Variants in AKT3 observed in about 807,000 individuals in gnomAD.
AKT3 encodes RAC-gamma serine/threonine-protein kinase.
In AKT3, 15 loss-of-function variants were observed where a neutral mutation model predicts 65.3. The ratio of observed to expected loss-of-function variants is 0.23; its 90% CI spans 0.15 to 0.35. AKT3 has a LOEUF of 0.35. Ranked by LOEUF, AKT3 falls within the 10% of genes least tolerant of loss-of-function variation. AKT3 has a pLI of 1.00. For synonymous variants in AKT3, 206 were observed against 183.8 expected, an observed-to-expected ratio of 1.12 and a Z score of -0.98; for missense variants, 243 against 576.5, an observed-to-expected ratio of 0.42 and a Z score of 5.92.
intron 2 of AKT3, among the ~76,000 whole-genome samples, chr1:243,815,081 T>C (rs1572397125): frequency 6.6e-6 from 1 of 152,224 alleles, no homozygotes; most frequent in Admixed American, 6.5e-5. Flanking sequence ...GGGTCCTAGA[T>C]TGGATCTTTT....
chr1:243,699,438 T>A (rs1416604943), intron 2 of AKT3, among the ~76,000 whole-genome samples: 4 of 136,054 alleles, frequency 2.9e-5, no homozygotes, highest in Non-Finnish European at 3.0e-5. Context: ...TCACAACTGG[T>A]TAAGACTTCC....
chr1:243,552,126 C>T (rs1030943398), intron 11 of AKT3, among the ~76,000 whole-genome samples: 3 of 151,590 alleles, frequency 2.0e-5, no homozygotes, highest in South Asian at 2.1e-4. Context: ...CCCGTCTCTA[C>T]TAAAAACACA....
intron 3 of AKT3, among the ~76,000 whole-genome samples, chr1:243,694,792 C>T (rs1684953394): frequency 6.6e-6 from 1 of 151,646 alleles, no homozygotes; most frequent in African/African-American, 2.4e-5. Flanking sequence ...TCCCTTGTAT[C>T]TTTTTTTCCC....
chr1:243,553,338 T>C (rs1187203933), intron 10 of AKT3, among the ~76,000 whole-genome samples: 1 of 152,198 alleles, frequency 6.6e-6, no homozygotes, highest in Non-Finnish European at 1.5e-5. Context: ...GTGTGCTGAT[T>C]ATAGAGCACA....
chr1:243,707,726 A>G (rs527874063), intron 2 of AKT3, among the ~76,000 whole-genome samples: 3 of 152,222 alleles, frequency 2.0e-5, no homozygotes, highest in Admixed American at 6.5e-5. Flanking sequence ...CTTTCTTATT[A>G]CAAAAATTAA....
At chr1:243,736,547 A>G (rs960305793) in intron 2 of AKT3, among the ~76,000 whole-genome samples, 4 of 152,208 alleles carry the variant, frequency 2.6e-5, no homozygotes, top group African/African-American at 9.7e-5. Flanking sequence ...TAAAGGTTTA[A>G]AAGTCAGAAA....
intron 2 of AKT3, among the ~76,000 whole-genome samples, chr1:243,805,724 T>C (rs1189200283): frequency 2.6e-5 from 4 of 152,196 alleles, no homozygotes; most frequent in African/African-American, 9.6e-5. Flanking sequence ...TTATAATCCA[T>C]TTTAGCTCTC....
chr1:243,601,042 C>T (rs971453563), intron 8 of AKT3, among the ~76,000 whole-genome samples: 2 of 152,018 alleles, frequency 1.3e-5, no homozygotes, highest in African/African-American at 2.4e-5. Context: ...TCAAAACTCA[C>T]TAAATTGTAC....
chr1:243,489,169 A>G, intron 13 of AKT3: 1 of 1,609,128 alleles, frequency 6.2e-7, no homozygotes, highest in Non-Finnish European at 8.5e-7. Context: ...CGCAGGTGGG[A>G]GTCCTTGGGC....
chr1:243,652,044 A>T (rs1572103914), intron 4 of AKT3, among the ~76,000 whole-genome samples: 1 of 120,590 alleles, frequency 8.3e-6, no homozygotes, highest in Non-Finnish European at 1.8e-5. Flanking sequence ...AGAGAAAAGA[A>T]TTCTTTTTTT....
chr1:243,596,348 T>C (rs1676613871), intron 8 of AKT3, among the ~76,000 whole-genome samples: 1 of 152,214 alleles, frequency 6.6e-6, no homozygotes, highest in Non-Finnish European at 1.5e-5. Context: ...ATACAAATAT[T>C]TGGCAAACTA....
At chr1:243,713,484 C>T (rs950385955) in intron 2 of AKT3, among the ~76,000 whole-genome samples, 10 of 152,026 alleles carry the variant, frequency 6.6e-5, no homozygotes, top group African/African-American at 1.9e-4. Flanking sequence ...CATCATAAAC[C>T]GTCTCAAGTT....
At chr1:243,645,658 T>G (rs535781593) in intron 5 of AKT3, among the ~76,000 whole-genome samples, 1 of 152,340 alleles carries the variant, frequency 6.6e-6, no homozygotes, top group South Asian at 2.1e-4. Flanking sequence ...TGATGGCACA[T>G]CAGTCACACA....
intron 2 of AKT3, among the ~76,000 whole-genome samples, chr1:243,802,686 T>G (rs895918423): frequency 6.6e-6 from 1 of 152,226 alleles, no homozygotes; most frequent in African/African-American, 2.4e-5. Flanking sequence ...ACAAAATTTC[T>G]AATCCATCCA....
intron 2 of AKT3, among the ~76,000 whole-genome samples, chr1:243,824,888 G>A (rs949064305): frequency 6.6e-6 from 1 of 152,090 alleles, no homozygotes; most frequent in Non-Finnish European, 1.5e-5. Context: ...ATTTGACCCA[G>A]CAATCCCATT....
At chr1:243,661,157 C>T (rs1175849996) in intron 4 of AKT3, among the ~76,000 whole-genome samples, 1 of 152,120 alleles carries the variant, frequency 6.6e-6, no homozygotes, top group Non-Finnish European at 1.5e-5. Context: ...GATTCAATGC[C>T]ATCCCCATCA....
At position 243,796,897 on chromosome 1, in the gene AKT3, C is replaced by G. The variant is rs12404385; in HGVS notation, c.46+46228G>C. Among the ~76,000 whole-genome samples the G allele has an allele frequency of 4.1e-3, 626 of 152,076 alleles. 17 individuals carry two copies. Among genetic ancestry groups the G allele is most frequent in the Admixed American group, 0.037 (567 of 15,284 alleles). ...GCCAGTCACACAAATACTGTACGAT[C>G]CACTTACATGAGGCACTAAAGCAGT... On this transcript the variant is annotated intron_variant, in intron 2 of 13. Transcript: ENST00000673466.
intron 12 of AKT3, among the ~76,000 whole-genome samples, chr1:243,542,505 A>G (rs1173035369): frequency 2.0e-5 from 3 of 152,214 alleles, no homozygotes; most frequent in Admixed American, 1.3e-4. Flanking sequence ...ATGTGCAGCA[A>G]TAAGTAGAAA....
At chr1:243,621,317 A>G (rs1033032417) in intron 6 of AKT3, among the ~76,000 whole-genome samples, 2 of 152,188 alleles carry the variant, frequency 1.3e-5, no homozygotes, top group Non-Finnish European at 2.9e-5. Context: ...AACATTTAAC[A>G]CATTTGATCA....
Sources: allele counts gnomAD v4.1 joint callset (sites outside exome capture counted in the v4.1 genomes callset), GRCh38; gene constraint gnomAD v4.1.1; transcripts MANE v1.5; gene names NCBI Gene and HGNC (gene_info 2026-07-23, HGNC 2026-07-21).